The following MRTFB variants were observed in gnomAD, a reference collection of about 807,000 sequenced individuals.
MRTFB encodes the protein myocardin-related transcription factor B.
A neutral mutation model predicts 104.2 loss-of-function variants in MRTFB; 29 were observed. The ratio of observed to expected loss-of-function variants is 0.28; its 90% CI spans 0.21 to 0.38. The LOEUF is 0.38. MRTFB is among the 10% of genes least tolerant of loss of function. The pLI is 1.00. For synonymous variants in MRTFB, 535 were observed against 519.5 expected (o/e 1.03, Z -0.41); for missense variants, 1,270 against 1,341.6 (o/e 0.95, Z 0.83).
chr16:14,253,450 T>C (rs2043340377), intron 15 of MRTFB, among the ~76,000 whole-genome samples: 1 of 152,134 alleles, frequency 6.6e-6, no homozygotes, highest in Admixed American at 6.5e-5. Context: ...ATGGGGTAAC[T>C]TGTTGGGGCC....
intron 8 of MRTFB, among the ~76,000 whole-genome samples, chr16:14,223,220 G>T (rs563200032): frequency 2.0e-5 from 3 of 152,032 alleles, no homozygotes; most frequent in Non-Finnish European, 4.4e-5. Flanking sequence ...TGAGGTGGGA[G>T]GATCACCTGA....
upstream of MRTFB, among the ~76,000 whole-genome samples, chr16:14,070,873 C>T (rs1244403088): frequency 3.3e-5 from 5 of 152,354 alleles, no homozygotes; most frequent in Admixed American, 1.3e-4. Context: ...CTGTACTTTC[C>T]TTGCCAGGCC....
intron 16 of MRTFB, among the ~76,000 whole-genome samples, chr16:14,259,464 C>T (rs2043668424): frequency 1.3e-5 from 2 of 151,336 alleles, no homozygotes; most frequent in Non-Finnish European, 2.9e-5. Context: ...TATATAGTTA[C>T]AAGACTAGTT....
chr16:14,169,384 G>GTCCGA (rs1390857663), intron 3 of MRTFB, among the ~76,000 whole-genome samples: 1 of 152,022 alleles, frequency 6.6e-6, no homozygotes, highest in Non-Finnish European at 1.5e-5. Flanking sequence ...TCCCACTCAG[G>GTCCGA]TCCGATTCTG....
chr16:14,200,304 G>A (rs1440977533), intron 3 of MRTFB: 25 of 1,603,860 alleles, frequency 1.6e-5, no homozygotes, highest in Non-Finnish European at 1.8e-5. Flanking sequence ...ACCCGGACCC[G>A]TACGCTGCTG....
intron 3 of MRTFB, among the ~76,000 whole-genome samples, chr16:14,185,076 A>C (rs1460213015): frequency 1.3e-5 from 2 of 152,236 alleles, no homozygotes; most frequent in South Asian, 2.1e-4. Context: ...TTTCTTCAGA[A>C]GAATGTAGGC....
At chr16:14,033,835 C>CAAAA in the MRTFB span, among the ~76,000 whole-genome samples, 4 of 90,442 alleles carry the variant, frequency 4.4e-5, no homozygotes, top group Non-Finnish European at 6.6e-5. Flanking sequence ...GACTCAGTCT[C>CAAAA]AAAAAAAAAA....
intron 15 of MRTFB, among the ~76,000 whole-genome samples, chr16:14,256,191 T>TAAAAAA (rs2043480869): frequency 3.8e-4 from 17 of 44,922 alleles, no homozygotes; most frequent in South Asian, 1.2e-3. Flanking sequence ...AAAAACAGGA[T>TAAAAAA]AACAAAAAAA....
chr16:14,073,576 G>T (rs767915763), intron 1 of MRTFB, among the ~76,000 whole-genome samples: 9 of 152,182 alleles, frequency 5.9e-5, no homozygotes, highest in Non-Finnish European at 1.0e-4. Flanking sequence ...TCAGATGGGA[G>T]GTCAGGTTAG....
rs373503024 is a variant in MRTFB, at chr16:14,218,053, TTTTG to T, written c.515-755_515-752del. Among the ~76,000 whole-genome samples the T allele has an allele frequency of 2.3e-3, 346 of 152,212 alleles. 1 individual carries two copies. The highest frequency in any genetic ancestry group is 7.2e-3 in the African/African-American group (299 of 41,550). ...CCCCATTTTCCTCCTTGTCACGTTT[TTTTG>T]TTTGTTTGTTTTTCTTTTTTGAGAC... On this transcript the variant is annotated intron_variant, in intron 7 of 16. Coordinates refer to ENST00000571589, the MANE Select transcript of MRTFB (RefSeq NM_001308142.2).
At chr16:14,161,712 A>T (rs756395919) in intron 3 of MRTFB, among the ~76,000 whole-genome samples, 1 of 152,194 alleles carries the variant, frequency 6.6e-6, no homozygotes, top group Non-Finnish European at 1.5e-5. Flanking sequence ...CTTCTTTAGC[A>T]TATAGAAGGA....
intron 8 of MRTFB, among the ~76,000 whole-genome samples, chr16:14,224,275 A>G (rs998043120): frequency 6.7e-6 from 1 of 150,238 alleles, no homozygotes; most frequent in African/African-American, 2.5e-5. Flanking sequence ...TTATATCAGC[A>G]TTGTTTGACA....
At chr16:14,023,127 G>A in the MRTFB span, among the ~76,000 whole-genome samples, 18 of 152,120 alleles carry the variant, frequency 1.2e-4, no homozygotes, top group Middle Eastern at 3.4e-3. Context: ...CTATTAACCC[G>A]CAGAGCTGGT....
At chr16:14,032,303 G>C in the MRTFB span, among the ~76,000 whole-genome samples, 1 of 152,168 alleles carries the variant, frequency 6.6e-6, no homozygotes, top group Non-Finnish European at 1.5e-5. Context: ...CATAATTAAG[G>C]CTTCATTAAA....
chr16:14,146,401 A>T (rs1597068188), intron 3 of MRTFB, among the ~76,000 whole-genome samples: 1 of 152,256 alleles, frequency 6.6e-6, no homozygotes, highest in South Asian at 2.1e-4. Flanking sequence ...TTTTGAGCTT[A>T]TAGTCCTATC....
chr16:14,118,092 G>T (rs1423937172), intron 2 of MRTFB, among the ~76,000 whole-genome samples: 1 of 149,644 alleles, frequency 6.7e-6, no homozygotes, highest in Non-Finnish European at 1.5e-5. Context: ...GCTCCCCTGT[G>T]TGCCTCTCCC....
the MRTFB span, among the ~76,000 whole-genome samples, chr16:14,003,414 C>A: frequency 1.4e-4 from 22 of 152,242 alleles, no homozygotes; most frequent in Admixed American, 2.0e-4. Flanking sequence ...CCCTCCACCC[C>A]CGCACGCTCA....
At chr16:14,093,712 G>A (rs1246337712) in intron 2 of MRTFB, among the ~76,000 whole-genome samples, 1 of 152,178 alleles carries the variant, frequency 6.6e-6, no homozygotes, top group Non-Finnish European at 1.5e-5. Flanking sequence ...GTGACTCAAA[G>A]ACTGGGAAAG....
At chr16:14,073,039 T>A (rs1203502086) in intron 1 of MRTFB, among the ~76,000 whole-genome samples, 3 of 152,234 alleles carry the variant, frequency 2.0e-5, no homozygotes, top group African/African-American at 7.2e-5. Flanking sequence ...TACAATTGTA[T>A]GTTAACGGTG....
Sources: allele counts gnomAD v4.1 joint callset (sites outside exome capture counted in the v4.1 genomes callset), GRCh38; gene constraint gnomAD v4.1.1; transcripts MANE v1.5; gene names NCBI Gene and HGNC (gene_info 2026-07-23, HGNC 2026-07-21).